Variants in RPA1 observed in about 807,000 individuals in gnomAD.
The protein encoded by RPA1 is replication protein A 70 kDa DNA-binding subunit.
A neutral mutation model predicts 83.0 loss-of-function variants in RPA1; 49 were observed. The observed-to-expected ratio is 0.59, with a 90% confidence interval of 0.47 to 0.75. The LOEUF (loss-of-function observed/expected upper bound fraction) is 0.75, where lower values mean the gene tolerates loss of function less well. Among genes scored for constraint, RPA1 ranks in the 30% least tolerant of loss-of-function variants. The probability of loss-of-function intolerance (pLI) is 0.00; values close to 1 mark genes in which losing one functional copy is unlikely to be tolerated. For missense variants in RPA1, 693 were observed against 776.1 expected (o/e 0.89, Z 1.27); for synonymous variants, 279 against 281.8 (o/e 0.99, Z 0.10).
chr17:1,844,771 C>A, intron 4 of RPA1, 85 bp downstream of exon 4: 3 of 996,714 alleles, frequency 3.0e-6, no homozygotes, highest in Non-Finnish European at 4.5e-6. Context: ...GAGTTTTCAG[C>A]TAAGAATCTG....
intron 5 of RPA1, among the ~76,000 whole-genome samples, chr17:1,861,424 G>C (rs890300986): frequency 6.6e-6 from 1 of 152,140 alleles, no homozygotes; most frequent in South Asian, 2.1e-4. Context: ...GGGGGAGGGG[G>C]TTATGTTAGG....
At chr17:1,893,182 A>G (rs1914262573) in intron 15 of RPA1, among the ~76,000 whole-genome samples, 1 of 152,180 alleles carries the variant, frequency 6.6e-6, no homozygotes, top group Admixed American at 6.5e-5. Flanking sequence ...AAAGTGTGAT[A>G]GTATCTTTTG....
At chr17:1,885,301 T>C (rs1913950591) in intron 13 of RPA1, among the ~76,000 whole-genome samples, 1 of 152,160 alleles carries the variant, frequency 6.6e-6, no homozygotes, top group Admixed American at 6.5e-5. Context: ...TTCAGGCCCA[T>C]TTTCAGGCTC....
At chr17:1,885,981 G>A (rs1458572395) in intron 13 of RPA1, among the ~76,000 whole-genome samples, 1 of 152,188 alleles carries the variant, frequency 6.6e-6, no homozygotes, top group African/African-American at 2.4e-5. Flanking sequence ...GTGAACAGGT[G>A]CATTGTCAAT....
chr17:1,831,558 G>A (rs576164042), intron 1 of RPA1, among the ~76,000 whole-genome samples: 1 of 150,716 alleles, frequency 6.6e-6, no homozygotes, highest in Non-Finnish European at 1.5e-5. Flanking sequence ...TTAGATTTCT[G>A]GTATATTCCA....
intron 12 of RPA1, among the ~76,000 whole-genome samples, chr17:1,881,289 T>G (rs1488108109): frequency 6.6e-6 from 1 of 152,194 alleles, no homozygotes; most frequent in African/African-American, 2.4e-5. Context: ...AGAATTGATG[T>G]GGTCAGGGAA....
Position 1,883,792 on chromosome 17 carries a change from T to C in RPA1, c.1242-20T>C, listed in dbSNP as rs535074420. 3.7e-6 allele frequency: 6 copies of C among 1,613,774 alleles called. No individual in the cohort carries two copies. The South Asian group carries it at 6.6e-5, about 18-fold the overall frequency. ...ATGTCACATCAAGCGCTCGTCATCG[T>C]TATTCGTTCACGTTTTCAGGTTTGA... is the stretch of plus-strand genomic sequence containing the variant. On this transcript the variant is annotated intron_variant, in intron 12 of 16. Transcript: ENST00000254719.
intron 4 of RPA1, among the ~76,000 whole-genome samples, chr17:1,852,695 A>C (rs1912542143): frequency 6.6e-6 from 1 of 152,278 alleles, no homozygotes; most frequent in Non-Finnish European, 1.5e-5. Flanking sequence ...GTAAGTTCTT[A>C]AAAATGGGTC....
chr17:1,897,597 G>T lies in RPA1; in HGVS notation c.*422G>T. On this transcript the variant is annotated 3_prime_UTR_variant, in exon 17 of 17. Coordinates refer to ENST00000254719, the MANE Select transcript of RPA1 (RefSeq NM_002945.5). ...CAACTTGGGTTCTTCTCAGCGGGGC[G>T]AGCTGAGAAGCGGTCATGAGCACCT... 1 of 163,148 alleles carries T rather than the reference G, an allele frequency of 6.1e-6. No homozygotes were observed. The highest frequency in any genetic ancestry group is 5.6e-5 in the Admixed American group (1 of 17,732). The allele number at this position is 163,148 out of a possible 1,614,324, so 10.1% of individuals were successfully genotyped here. A position where few individuals can be genotyped will look rare whatever the true frequency, so the allele number is the denominator to read the frequency against.
chr17:1,883,901 C>G lies in RPA1; in HGVS notation c.1331C>G (p.Thr444Ser). ...GGAGGGAGTAACACCAACTGGAAAA[C>G]CTTGTATGAGGTCAAATCCGAGAAC... ...GVGGSNTNWK[T>S]LYEVKSENLG... Residue 444 changes from threonine (T) to serine (S), a missense_variant, in exon 13 of 17, where the codon ACC (threonine) becomes AGC (serine). Physicochemically the swap from Thr to Ser is moderately conservative, Grantham distance 58. Transcript: ENST00000254719. The G allele has an allele frequency of 6.2e-7, 1 of 1,614,074 alleles. No individual in the cohort carries two copies. The highest frequency in any genetic ancestry group is 8.5e-7 in the Non-Finnish European group (1 of 1,180,032).
chr17:1,874,032 TACACAC>T (rs67199303), intron 6 of RPA1, among the ~76,000 whole-genome samples: 141 of 79,232 alleles, frequency 1.8e-3, no homozygotes, highest in East Asian at 5.3e-3. Context: ...TATATATATA[TACACAC>T]ACACACACAC....
intron 13 of RPA1, among the ~76,000 whole-genome samples, chr17:1,885,838 C>G (rs1322605636): frequency 1.3e-5 from 2 of 152,226 alleles, no homozygotes; most frequent in South Asian, 4.1e-4. Flanking sequence ...ACTATCGCCT[C>G]ATGAAATATG....
At position 1,883,804 on chromosome 17, in the gene RPA1, G is replaced by A. The variant is rs768161831; in HGVS notation, c.1242-8G>A. ...GCGCTCGTCATCGTTATTCGTTCAC[G>A]TTTTCAGGTTTGACGCAGAAGGACA... On this transcript the variant is annotated splice_polypyrimidine_tract_variant and splice_region_variant and intron_variant, in intron 12 of 16. Coordinates refer to ENST00000254719, the MANE Select transcript of RPA1 (RefSeq NM_002945.5). The A allele has an allele frequency of 3.2e-5, 52 of 1,613,918 alleles. No individual in the cohort carries two copies. The highest frequency in any genetic ancestry group is 2.1e-4 in the South Asian group (19 of 91,076).
At chr17:1,867,224 G>C (rs920544323) in intron 5 of RPA1, among the ~76,000 whole-genome samples, 1 of 152,068 alleles carries the variant, frequency 6.6e-6, no homozygotes, top group Non-Finnish European at 1.5e-5. Context: ...CTTTCAGGAA[G>C]GTGAGCTGAG....
intron 5 of RPA1, among the ~76,000 whole-genome samples, chr17:1,856,593 C>G (rs1241368086): frequency 6.6e-6 from 1 of 152,012 alleles, no homozygotes; most frequent in Non-Finnish European, 1.5e-5. Flanking sequence ...GAATGAGACT[C>G]TGTCTCAAAA....
intron 16 of RPA1, 118 bp from the exon 17 acceptor site, chr17:1,896,953 T>A: frequency 1.2e-6 from 1 of 803,252 alleles, no homozygotes. Flanking sequence ...ATGACTGAAC[T>A]CTGAACCCGT....
chr17:1,852,939 C>T (rs1370761355), intron 4 of RPA1, among the ~76,000 whole-genome samples, 162 bp from the exon 5 acceptor site: 2 of 152,196 alleles, frequency 1.3e-5, no homozygotes, highest in Non-Finnish European at 2.9e-5. Flanking sequence ...CCTGCAATCA[C>T]TTGATAATGA....
At chr17:1,878,860 T>C (rs202187558) in intron 8 of RPA1, 133 bp from the exon 9 acceptor site, 2 of 790,644 alleles carry the variant, frequency 2.5e-6, no homozygotes, top group East Asian at 5.1e-5. Context: ...TGGACCCTGT[T>C]TGTGCAAGGG....
At chr17:1,875,830 A>G (rs763733164) in intron 7 of RPA1, 37 bp downstream of exon 7, 3 of 1,578,066 alleles carry the variant, frequency 1.9e-6, no homozygotes, top group African/African-American at 1.4e-5. Flanking sequence ...GAGTGTACTT[A>G]TGAAATCGGA....
Sources: gnomAD v4.1 joint callset for allele counts (sites outside exome capture counted in the v4.1 genomes callset) on GRCh38, gnomAD v4.1.1 for gene constraint, MANE v1.5 for transcripts, NCBI Gene and HGNC (gene_info 2026-07-23, HGNC 2026-07-21) for gene names.